Variants in GRIK1 observed in about 807,000 individuals in gnomAD.
The protein encoded by GRIK1 is glutamate receptor ionotropic, kainate 1.
GRIK1 carries 69 observed loss-of-function variants against 105.7 expected under a neutral mutation model. The ratio of observed to expected loss-of-function variants is 0.65; its 90% CI spans 0.54 to 0.80. The LOEUF (loss-of-function observed/expected upper bound fraction) is 0.80, where lower values mean the gene tolerates loss of function less well. Ranked by LOEUF, GRIK1 falls within the 30% of genes least tolerant of loss-of-function variation. GRIK1 has a pLI of 0.00. For missense variants in GRIK1, 1,109 were observed against 1,167.3 expected (o/e 0.95, Z 0.73); for synonymous variants, 438 against 431.3 (o/e 1.02, Z -0.19).
chr21:29,690,666 T>C (rs1444582333), intron 2 of GRIK1, among the ~76,000 whole-genome samples: 3 of 152,252 alleles, frequency 2.0e-5, no homozygotes, highest in Non-Finnish European at 4.4e-5. Flanking sequence ...CAGGCCTCTT[T>C]CTACCCCAGG....
At chr21:29,694,245 TC>T (rs1425569420) in intron 1 of GRIK1, among the ~76,000 whole-genome samples, 182 bp from the exon 2 acceptor site, 1 of 147,430 alleles carries the variant, frequency 6.8e-6, no homozygotes, top group Non-Finnish European at 1.5e-5. Flanking sequence ...TGCCTCAGCC[TC>T]CCGAGTAGCT....
intron 9 of GRIK1, among the ~76,000 whole-genome samples, chr21:29,595,125 T>C (rs2061386269): frequency 6.6e-6 from 1 of 152,074 alleles, no homozygotes; most frequent in Non-Finnish European, 1.5e-5. Flanking sequence ...TGGAACATGA[T>C]GGGCTACCAG....
rs552678475 is a variant in GRIK1, at chr21:29,801,453, C to T, written c.119-107390G>A. Among the ~76,000 whole-genome samples the T allele has an allele frequency of 3.3e-5, 5 of 152,180 alleles. No homozygotes were observed. The South Asian group carries it at 1.0e-3, about 32-fold the overall frequency. The stretch of plus-strand genomic sequence containing the variant: ...ACTGAATTCAGACTTCACTAATTTG[C>T]TGAAGCTTGAAATGTGGAAAAAAGC... On this transcript the variant is annotated intron_variant, in intron 1 of 17. Coordinates refer to ENST00000327783, the MANE Select transcript of GRIK1 (RefSeq NM_001330994.2).
chr21:29,884,293 C>A (rs983721045), intron 1 of GRIK1, among the ~76,000 whole-genome samples: 1 of 151,948 alleles, frequency 6.6e-6, no homozygotes, highest in Admixed American at 6.6e-5. Context: ...ATTATAAATC[C>A]TTTTTCCAGA....
intron 1 of GRIK1, among the ~76,000 whole-genome samples, chr21:29,806,263 T>C (rs2066861203): frequency 1.3e-5 from 2 of 152,148 alleles, no homozygotes; most frequent in Admixed American, 1.3e-4. Flanking sequence ...TAGATTGACT[T>C]TCTTGGTGTA....
At chr21:29,624,888 C>T (rs564904800) in intron 7 of GRIK1, among the ~76,000 whole-genome samples, 6 of 152,364 alleles carry the variant, frequency 3.9e-5, no homozygotes, top group East Asian at 1.9e-4. Context: ...CTCCAGCTCA[C>T]GTCTCTGACT....
At chr21:29,764,148 G>C (rs776982996) in intron 1 of GRIK1, 1 of 152,182 alleles carries the variant, frequency 6.6e-6, no homozygotes, top group Non-Finnish European at 1.5e-5. Flanking sequence ...TTATTGAGAG[G>C]ACCACATTGG....
chr21:29,911,367 A>G (rs1464273471), intron 1 of GRIK1, among the ~76,000 whole-genome samples: 1 of 152,056 alleles, frequency 6.6e-6, no homozygotes, highest in African/African-American at 2.4e-5. Flanking sequence ...TACTGCGATG[A>G]ATCATTGAAG....
intron 7 of GRIK1, among the ~76,000 whole-genome samples, chr21:29,608,147 A>G (rs1399943177): frequency 6.6e-6 from 1 of 152,120 alleles, no homozygotes; most frequent in Admixed American, 6.6e-5. Flanking sequence ...GAGAAACTGT[A>G]ACTTAGAGTC....
chr21:29,893,665 C>T (rs1306433510), intron 1 of GRIK1, among the ~76,000 whole-genome samples: 1 of 152,134 alleles, frequency 6.6e-6, no homozygotes, highest in African/African-American at 2.4e-5. Flanking sequence ...TGGTTAGTAC[C>T]GCTTGCGTGT....
At chr21:29,638,250 G>T (rs1036648339) in intron 7 of GRIK1, among the ~76,000 whole-genome samples, 5 of 152,184 alleles carry the variant, frequency 3.3e-5, no homozygotes, top group East Asian at 1.9e-4. Flanking sequence ...GGCGGAAGGG[G>T]AAGTAGGTAT....
intron 1 of GRIK1, among the ~76,000 whole-genome samples, chr21:29,778,091 G>C (rs906168802): frequency 7.2e-5 from 11 of 152,110 alleles, no homozygotes; most frequent in African/African-American, 2.7e-4. Context: ...ATGTGGTTGT[G>C]GGTAAAAAAC....
intron 1 of GRIK1, among the ~76,000 whole-genome samples, chr21:29,713,407 C>A (rs2064104089): frequency 6.6e-6 from 1 of 151,876 alleles, no homozygotes; most frequent in Non-Finnish European, 1.5e-5. Flanking sequence ...CTTGTAATGC[C>A]TATAAAATTA....
At chr21:29,780,547 C>T (rs563564593) in intron 1 of GRIK1, among the ~76,000 whole-genome samples, 21 of 152,238 alleles carry the variant, frequency 1.4e-4, no homozygotes, top group Admixed American at 4.6e-4. Flanking sequence ...CCTGAAGTAG[C>T]GGAGAATTTG....
intron 5 of GRIK1, among the ~76,000 whole-genome samples, chr21:29,653,505 G>A (rs3026012): frequency 0.031 from 4,644 of 152,218 alleles, 233 homozygotes; most frequent in African/African-American, 0.11. Context: ...TCCATTATTC[G>A]TATTCCTTCT....
intron 6 of GRIK1, among the ~76,000 whole-genome samples, chr21:29,647,424 C>T (rs2062642215): frequency 6.6e-6 from 1 of 152,168 alleles, no homozygotes; most frequent in Non-Finnish European, 1.5e-5. Flanking sequence ...TGTTTTCTTT[C>T]ATCGCTGGAG....
chr21:29,837,246 A>C (rs1365358976), intron 1 of GRIK1, among the ~76,000 whole-genome samples: 2 of 152,150 alleles, frequency 1.3e-5, no homozygotes, highest in African/African-American at 4.8e-5. Context: ...TTCATCTGCA[A>C]TGATCTTGTG....
chr21:29,641,414 A>G (rs1012710579), intron 7 of GRIK1, among the ~76,000 whole-genome samples: 2 of 152,178 alleles, frequency 1.3e-5, no homozygotes, highest in Admixed American at 1.3e-4. Context: ...ACTTTCCGCC[A>G]TGATTGTGAG....
Position 29,811,781 on chromosome 21 carries a change from A to G in GRIK1, c.119-117718T>C, listed in dbSNP as rs73186468. Among the ~76,000 whole-genome samples, 1,242 of 152,250 alleles carry G rather than the reference A, an allele frequency of 8.2e-3. 19 individuals carry two copies. The highest frequency in any genetic ancestry group is 0.017 in the Middle Eastern group (5 of 294). Reference sequence around the variant, plus strand: ...TGCCTGCTTATCTTCCACCTTCATTATAGTCTAGATGCCTTCTCCTGCCTT... The same window carrying G: ...TGCCTGCTTATCTTCCACCTTCATTGTAGTCTAGATGCCTTCTCCTGCCTT... On this transcript the variant is annotated intron_variant, in intron 1 of 17. Transcript: ENST00000327783.
Sources: gnomAD v4.1 joint callset for allele counts (sites outside exome capture counted in the v4.1 genomes callset) on GRCh38, gnomAD v4.1.1 for gene constraint, MANE v1.5 for transcripts, NCBI Gene and HGNC (gene_info 2026-07-23, HGNC 2026-07-21) for gene names.